NOL4: variants seen among roughly 807,000 people sequenced by gnomAD.
NOL4 encodes the protein nucleolar protein 4.
A neutral mutation model predicts 75.9 loss-of-function variants in NOL4; 17 were observed. That is an observed-to-expected ratio of 0.22 (90% CI 0.15 to 0.34). The LOEUF (loss-of-function observed/expected upper bound fraction) is 0.34, where lower values mean the gene tolerates loss of function less well. NOL4 is among the 10% of genes least tolerant of loss of function. NOL4 has a pLI of 1.00. For missense variants in NOL4, 614 were observed against 793.5 expected, an observed-to-expected ratio of 0.77 and a Z score of 2.72; for synonymous variants, 292 against 289.9, an observed-to-expected ratio of 1.01 and a Z score of -0.07.
At chr18:33,862,037 A>C (rs1460769848) in intron 10 of NOL4, among the ~76,000 whole-genome samples, 2 of 152,194 alleles carry the variant, frequency 1.3e-5, no homozygotes, top group Non-Finnish European at 2.9e-5. Flanking sequence ...AGGCTACAGT[A>C]ACCAAAACAG....
Position 34,222,082 on chromosome 18 carries a change from C to G in NOL4, c.264+908G>C, listed in dbSNP as rs778150330. On this transcript the variant is annotated intron_variant, in intron 1 of 10. Coordinates refer to ENST00000261592, the MANE Select transcript of NOL4 (RefSeq NM_003787.5). ...GCCATCCTACTTGTAGCCCACAGTT[C>G]CCATCTTCTTGTGAAGAAAATCGAC... 16 of 1,535,074 alleles carry G rather than the reference C, an allele frequency of 1.0e-5. No homozygotes were observed. In the South Asian group the frequency reaches 1.2e-4, roughly 11 times the overall value.
intron 10 of NOL4, among the ~76,000 whole-genome samples, chr18:33,882,289 T>A (rs1251605397): frequency 6.6e-6 from 1 of 151,562 alleles, no homozygotes; most frequent in African/African-American, 2.4e-5. Flanking sequence ...TGGGAGAAAA[T>A]TTTTGCAACC....
intron 1 of NOL4, among the ~76,000 whole-genome samples, chr18:34,204,140 T>C (rs551683000): frequency 3.3e-5 from 5 of 152,168 alleles, no homozygotes; most frequent in South Asian, 4.1e-4. Flanking sequence ...AAAATACACA[T>C]ATATAACACC....
intron 6 of NOL4, among the ~76,000 whole-genome samples, chr18:33,977,006 G>T (rs537288018): frequency 6.6e-6 from 1 of 152,072 alleles, no homozygotes; most frequent in East Asian, 1.9e-4. Flanking sequence ...TGTTTCATTT[G>T]TCTTATTTTA....
intron 1 of NOL4, among the ~76,000 whole-genome samples, chr18:34,198,888 G>A (rs568487502): frequency 3.8e-4 from 58 of 151,862 alleles, no homozygotes; most frequent in African/African-American, 1.3e-3. Context: ...TTCAAGTTCA[G>A]TTGTGATTTC....
At chr18:34,208,945 C>T (rs1001179044) in intron 1 of NOL4, among the ~76,000 whole-genome samples, 2 of 151,870 alleles carry the variant, frequency 1.3e-5, no homozygotes, top group Non-Finnish European at 2.9e-5. Flanking sequence ...TGCGATGGCT[C>T]ATACCTGTAA....
intron 5 of NOL4, among the ~76,000 whole-genome samples, chr18:34,092,197 A>T (rs945864998): frequency 1.3e-5 from 2 of 152,162 alleles, no homozygotes; most frequent in African/African-American, 4.8e-5. Flanking sequence ...CCATTAAAAA[A>T]ATACAAAATC....
At chr18:34,122,817 A>T (rs1385312012) in intron 2 of NOL4, among the ~76,000 whole-genome samples, 1 of 152,020 alleles carries the variant, frequency 6.6e-6, no homozygotes, top group Non-Finnish European at 1.5e-5. Flanking sequence ...AAATTTGGTC[A>T]TTTTATTTTT....
intron 8 of NOL4, among the ~76,000 whole-genome samples, chr18:33,956,976 TA>T (rs777999212): frequency 1.2e-4 from 18 of 152,076 alleles, no homozygotes; most frequent in Non-Finnish European, 1.8e-4. Context: ...GTTCACAACT[TA>T]AATAACCTCA....
intron 1 of NOL4, among the ~76,000 whole-genome samples, chr18:34,194,244 G>A (rs1006383284): frequency 2.0e-5 from 3 of 152,038 alleles, no homozygotes; most frequent in African/African-American, 4.8e-5. Flanking sequence ...AAAAGTATGT[G>A]AAGCAATGCG....
chr18:34,049,084 A>G (rs1034686660), intron 5 of NOL4, among the ~76,000 whole-genome samples: 22 of 139,900 alleles, frequency 1.6e-4, no homozygotes, highest in African/African-American at 5.2e-5. Context: ...GCACACACAC[A>G]CACACACACA....
intron 9 of NOL4, among the ~76,000 whole-genome samples, chr18:33,906,429 T>G (rs910421616): frequency 6.6e-6 from 1 of 152,212 alleles, no homozygotes; most frequent in South Asian, 2.1e-4. Flanking sequence ...ATAAGGTCAC[T>G]GACCTTGTTC....
chr18:33,937,783 T>C (rs1372326213), intron 9 of NOL4, among the ~76,000 whole-genome samples: 1 of 152,102 alleles, frequency 6.6e-6, no homozygotes, highest in Non-Finnish European at 1.5e-5. Flanking sequence ...AAGTAGTTTA[T>C]ACACTTTTAA....
chr18:34,110,945 A>C (rs12604419), intron 2 of NOL4, among the ~76,000 whole-genome samples: 41,496 of 152,034 alleles, frequency 0.27, 6,725 homozygotes, highest in East Asian at 0.45. Flanking sequence ...TCAAAAATAA[A>C]ATAAACTAGA....
At position 34,019,695 on chromosome 18, in the gene NOL4, G is replaced by T; in HGVS notation, c.773-94C>A. 5 of 1,052,548 alleles carry T rather than the reference G, an allele frequency of 4.8e-6. No homozygotes were observed. In the South Asian group the frequency reaches 5.1e-5, roughly 11 times the overall value. 65.2% of individuals were successfully genotyped at this position (1,052,548 alleles called of 1,614,324 possible). A position where few individuals can be genotyped will look rare whatever the true frequency, so the allele number is the denominator to read the frequency against. On this transcript the variant is annotated intron_variant, in intron 5 of 10. Transcript: ENST00000261592. ...TTTATTGAGCTCCCATTATATGAAT[G>T]GCATTTTACATACAATATGTAATTC...
At chr18:34,212,221 T>C (rs961595237) in intron 1 of NOL4, among the ~76,000 whole-genome samples, 1 of 152,194 alleles carries the variant, frequency 6.6e-6, no homozygotes, top group African/African-American at 2.4e-5. Flanking sequence ...AACTTTTATA[T>C]ACATACATAT....
intron 2 of NOL4, among the ~76,000 whole-genome samples, chr18:34,112,024 G>A (rs115422167): frequency 0.01 from 1,568 of 152,182 alleles, 29 homozygotes; most frequent in African/African-American, 0.036. Context: ...ATCTCAAAGA[G>A]ATATCTGCAC....
intron 1 of NOL4, among the ~76,000 whole-genome samples, chr18:34,171,270 T>C (rs963698925): frequency 2.0e-5 from 3 of 152,214 alleles, no homozygotes; most frequent in Admixed American, 1.3e-4. Context: ...AAGATCTCAA[T>C]CCCCCTTTTG....
intron 8 of NOL4, among the ~76,000 whole-genome samples, chr18:33,952,939 T>C (rs2069350670): frequency 6.6e-6 from 1 of 152,018 alleles, no homozygotes; most frequent in South Asian, 2.1e-4. Flanking sequence ...AAACAAAATG[T>C]TCTAACATGA....
Sources: allele counts gnomAD v4.1 joint callset (sites outside exome capture counted in the v4.1 genomes callset), GRCh38; gene constraint gnomAD v4.1.1; transcripts MANE v1.5; gene names NCBI Gene and HGNC (gene_info 2026-07-23, HGNC 2026-07-21).